CWC27: variants seen among roughly 807,000 people sequenced by gnomAD.
CWC27 encodes the protein spliceosome-associated protein CWC27 homolog.
A neutral mutation model predicts 63.6 loss-of-function variants in CWC27; 47 were observed. The ratio of observed to expected loss-of-function variants is 0.74; its 90% confidence interval spans 0.58 to 0.94. The LOEUF is 0.94. Among genes scored for constraint, CWC27 ranks in the 40% least tolerant of loss-of-function variants. CWC27 has a pLI of 0.00. For synonymous variants in CWC27, 175 were observed against 179.8 expected, an observed-to-expected ratio of 0.97 and a Z score of 0.22; for missense variants, 495 against 554.3, an observed-to-expected ratio of 0.89 and a Z score of 1.07.
intron 11 of CWC27, among the ~76,000 whole-genome samples, chr5:64,939,164 T>C (rs764816963): frequency 7.2e-5 from 11 of 152,206 alleles, no homozygotes; most frequent in Non-Finnish European, 1.2e-4. Flanking sequence ...CGAGAAGTTG[T>C]GATCCTTTGG....
intron 11 of CWC27, among the ~76,000 whole-genome samples, chr5:64,958,517 A>G (rs1328283362): frequency 6.6e-6 from 1 of 152,306 alleles, no homozygotes; most frequent in East Asian, 1.9e-4. Context: ...AAGATTAAGC[A>G]TTCAGTAGCA....
intron 11 of CWC27, among the ~76,000 whole-genome samples, chr5:64,956,720 G>A (rs1228159043): frequency 6.6e-6 from 1 of 152,072 alleles, no homozygotes; most frequent in Non-Finnish European, 1.5e-5. Context: ...CACCATAACT[G>A]TTTGCACTAA....
chr5:64,879,467 G>A (rs966110062), intron 10 of CWC27, among the ~76,000 whole-genome samples: 3 of 151,826 alleles, frequency 2.0e-5, no homozygotes, highest in Non-Finnish European at 4.4e-5. Flanking sequence ...TAATTTTGAG[G>A]AGCAGAAGGT....
chr5:64,813,780 C>T (rs1450507601), intron 10 of CWC27, among the ~76,000 whole-genome samples: 1 of 152,142 alleles, frequency 6.6e-6, no homozygotes, highest in African/African-American at 2.4e-5. Flanking sequence ...TGTGAATTCC[C>T]TGTAAATTAA....
chr5:64,852,266 A>G (rs2112298408), intron 10 of CWC27, among the ~76,000 whole-genome samples: 1 of 152,322 alleles, frequency 6.6e-6, no homozygotes, highest in South Asian at 2.1e-4. Flanking sequence ...ATGTTTTAAT[A>G]ACTTTAGGTT....
Position 64,804,298 on chromosome 5 carries a change from A to G in CWC27, c.850A>G (p.Arg284Gly). Residue 284 changes from arginine to glycine, a missense_variant, in exon 10 of 14, where the codon AGA (arginine) becomes GGA (glycine). Arg to Gly is a moderately radical substitution (Grantham distance 125, BLOSUM62 -2). Transcript: ENST00000381070. The stretch of plus-strand genomic sequence containing the variant: ...TGATGAAAAGAACCTGATGAGAGAA[A>G]GAATTGCCAAAAAATTAAAAAAGGA... ...DGDEKNLMRERIAKKLKKDTS... is the reference protein window; with the variant it reads ...DGDEKNLMREGIAKKLKKDTS... 1 of 1,613,262 alleles carries G rather than the reference A, an allele frequency of 6.2e-7. No homozygotes were observed. Among genetic ancestry groups the G allele is most frequent in the Non-Finnish European group, 8.5e-7 (1 of 1,179,612 alleles).
At chr5:64,915,181 C>T (rs1387125726) in intron 11 of CWC27, among the ~76,000 whole-genome samples, 1 of 152,076 alleles carries the variant, frequency 6.6e-6, no homozygotes, top group Non-Finnish European at 1.5e-5. Context: ...CCTCTATCCC[C>T]TCCTTGTTTG....
At chr5:64,772,615 A>C in intron 1 of CWC27, among the ~76,000 whole-genome samples, 1 of 95,876 alleles carries the variant, frequency 1.0e-5, no homozygotes, top group African/African-American at 4.2e-5. Flanking sequence ...AGACAGTGAG[A>C]CTCTGTCTCA....
At chr5:65,010,813 C>T (rs865861490) in intron 13 of CWC27, among the ~76,000 whole-genome samples, 22 of 152,202 alleles carry the variant, frequency 1.4e-4, no homozygotes, top group African/African-American at 4.8e-4. Context: ...TTCAGCTGTT[C>T]GAGTAACTTA....
chr5:64,855,815 C>A (rs749738825), intron 10 of CWC27, among the ~76,000 whole-genome samples: 2 of 152,044 alleles, frequency 1.3e-5, no homozygotes, highest in Admixed American at 1.3e-4. Context: ...ACTACCAGAT[C>A]AAATACATGG....
chr5:64,873,526 A>G (rs1023070776), intron 10 of CWC27, among the ~76,000 whole-genome samples: 5 of 151,720 alleles, frequency 3.3e-5, no homozygotes, highest in Admixed American at 6.6e-5. Context: ...ATTTTCAAAT[A>G]GGATTATTGG....
At chr5:65,012,763 T>C (rs1301581382) in intron 13 of CWC27, among the ~76,000 whole-genome samples, 3 of 152,228 alleles carry the variant, frequency 2.0e-5, no homozygotes, top group Admixed American at 6.5e-5. Context: ...GAACCAGCTG[T>C]TCTCCATCTC....
At chr5:64,971,640 C>T (rs1749125968) in intron 11 of CWC27, 63 bp from the exon 12 acceptor site, 3 of 1,254,738 alleles carry the variant, frequency 2.4e-6, no homozygotes, top group Admixed American at 2.6e-5. Flanking sequence ...GGAGCATAAA[C>T]ATTGCTATGA....
intron 13 of CWC27, among the ~76,000 whole-genome samples, chr5:64,992,698 AT>A (rs10710157): frequency 0.55 from 77,934 of 142,326 alleles, 21,258 homozygotes; most frequent in Admixed American, 0.61. Flanking sequence ...CGCCTGGCTA[AT>A]TTTTTTTTTT....
At chr5:64,919,095 T>C (rs1389246883) in intron 11 of CWC27, among the ~76,000 whole-genome samples, 2 of 152,246 alleles carry the variant, frequency 1.3e-5, no homozygotes, top group African/African-American at 2.4e-5. Context: ...CATATATTTT[T>C]GCTGTACAAT....
chr5:64,982,944 C>T (rs149416184), intron 13 of CWC27, among the ~76,000 whole-genome samples: 243 of 152,224 alleles, frequency 1.6e-3, no homozygotes, highest in African/African-American at 5.4e-3. Context: ...CTCATAGGAG[C>T]GCAAACCCTG....
chr5:65,011,554 G>C (rs1749956958), intron 13 of CWC27, among the ~76,000 whole-genome samples: 1 of 152,198 alleles, frequency 6.6e-6, no homozygotes, highest in Non-Finnish European at 1.5e-5. Flanking sequence ...GATGTGATGG[G>C]AGAAGGAGAT....
chr5:64,888,535 A>G (rs1314632940), intron 11 of CWC27, among the ~76,000 whole-genome samples: 4 of 137,640 alleles, frequency 2.9e-5, no homozygotes, highest in Non-Finnish European at 6.3e-5. Flanking sequence ...ATTATAACAT[A>G]CATGTCAACA....
At chr5:64,894,119 G>A (rs756299572) in intron 11 of CWC27, among the ~76,000 whole-genome samples, 10 of 151,894 alleles carry the variant, frequency 6.6e-5, no homozygotes, top group Admixed American at 1.3e-4. Context: ...TAGTAGAGAC[G>A]GGGTTTCACC....
Sources: allele counts gnomAD v4.1 joint callset (sites outside exome capture counted in the v4.1 genomes callset), GRCh38; gene constraint gnomAD v4.1.1; transcripts MANE v1.5; gene names NCBI Gene and HGNC (gene_info 2026-07-23, HGNC 2026-07-21).